GABRB1: variants seen among roughly 807,000 people sequenced by gnomAD.
The protein encoded by GABRB1 is gamma-aminobutyric acid type A receptor subunit beta1.
GABRB1 carries 17 observed loss-of-function variants against 51.6 expected under a neutral mutation model. The observed-to-expected ratio is 0.33, with a 90% CI of 0.23 to 0.49. GABRB1 has a LOEUF of 0.49. GABRB1 is among the 20% of genes least tolerant of loss of function. The pLI is 0.99. For synonymous variants in GABRB1, 247 were observed against 218.9 expected (o/e 1.13, Z -1.14); for missense variants, 410 against 600.6 (o/e 0.68, Z 3.32).
chr4:47,390,997 G>A (rs1727972085), intron 5 of GABRB1, among the ~76,000 whole-genome samples: 1 of 152,052 alleles, frequency 6.6e-6, no homozygotes, highest in African/African-American at 2.4e-5. Context: ...CCAACATGGT[G>A]AAACCCTGTC....
chr4:47,208,735 G>A (rs546686116), intron 4 of GABRB1, among the ~76,000 whole-genome samples: 1 of 152,174 alleles, frequency 6.6e-6, no homozygotes, highest in Admixed American at 6.5e-5. Context: ...GTAGTCCTAG[G>A]ATTACTTTGG....
chr4:47,115,979 C>T (rs983388098), intron 3 of GABRB1, among the ~76,000 whole-genome samples: 2 of 152,264 alleles, frequency 1.3e-5, no homozygotes, highest in East Asian at 1.9e-4. Context: ...ATATCATCTT[C>T]GCCAAGGACA....
chr4:47,301,757 ATAGCATACTGAAAAGCAC>A (rs1390455539), intron 4 of GABRB1, among the ~76,000 whole-genome samples: 3 of 152,214 alleles, frequency 2.0e-5, no homozygotes, highest in Non-Finnish European at 4.4e-5. Context: ...CTGAAAAAAC[ATAGCATACTGAAAAGCAC>A]TTACAAATAT....
chr4:47,062,654 T>A (rs562188307), intron 3 of GABRB1, among the ~76,000 whole-genome samples: 1 of 152,252 alleles, frequency 6.6e-6, no homozygotes, highest in East Asian at 1.9e-4. Flanking sequence ...CTTCTAATTC[T>A]CATCAAAATC....
At chr4:47,086,104 G>A (rs939299872) in intron 3 of GABRB1, among the ~76,000 whole-genome samples, 2 of 152,108 alleles carry the variant, frequency 1.3e-5, no homozygotes, top group South Asian at 2.1e-4. Flanking sequence ...TATCCTCATG[G>A]GTTTAACATC....
intron 3 of GABRB1, among the ~76,000 whole-genome samples, chr4:47,062,524 T>C (rs1726888059): frequency 6.6e-6 from 1 of 151,968 alleles, no homozygotes; most frequent in South Asian, 2.1e-4. Context: ...AGTAGTTATG[T>C]AACATGATTT....
chr4:47,147,202 T>G (rs1245268176), intron 3 of GABRB1, among the ~76,000 whole-genome samples: 3 of 152,134 alleles, frequency 2.0e-5, no homozygotes, highest in African/African-American at 7.2e-5. Context: ...TTTCATTCCT[T>G]TAAATTCTGG....
intron 5 of GABRB1, among the ~76,000 whole-genome samples, chr4:47,398,580 A>G (rs1486067256): frequency 3.3e-5 from 5 of 152,006 alleles, no homozygotes; most frequent in Non-Finnish European, 5.9e-5. Context: ...AGAGAGAGAC[A>G]GAGAGAGAGA....
chr4:47,294,308 C>T (rs902212716), intron 4 of GABRB1, among the ~76,000 whole-genome samples: 2 of 152,178 alleles, frequency 1.3e-5, no homozygotes, highest in Non-Finnish European at 2.9e-5. Context: ...CGAGGCATTG[C>T]CTCACTCGGA....
chr4:47,295,711 C>A (rs1298523406), intron 4 of GABRB1, among the ~76,000 whole-genome samples: 5 of 152,152 alleles, frequency 3.3e-5, no homozygotes, highest in African/African-American at 1.2e-4. Context: ...AGAAAGTCCT[C>A]AATCTAGCAA....
chr4:47,224,183 G>A (rs1330708144), intron 4 of GABRB1, among the ~76,000 whole-genome samples: 1 of 149,764 alleles, frequency 6.7e-6, no homozygotes, highest in Admixed American at 6.6e-5. Context: ...CTCTCAAGCT[G>A]TGTGTTCCAA....
intron 3 of GABRB1, among the ~76,000 whole-genome samples, chr4:47,105,045 T>A (rs1005479760): frequency 6.6e-6 from 1 of 152,138 alleles, no homozygotes; most frequent in African/African-American, 2.4e-5. Flanking sequence ...TAGTAGAGAC[T>A]GAGTTAAATA....
chr4:47,420,233 G>A lies in GABRB1; in HGVS notation c.1081-5441G>A, dbSNP rs551779185. Among the ~76,000 whole-genome samples the A allele has an allele frequency of 1.8e-4, 27 of 152,244 alleles. No homozygotes were observed. In the South Asian group the frequency reaches 4.6e-3, roughly 26 times the overall value. On this transcript the variant is annotated intron_variant, in intron 8 of 8. Coordinates refer to ENST00000295454, the MANE Select transcript of GABRB1 (RefSeq NM_000812.4). ...AGAGACAGAAAACTCCAGAAGGCAC[G>A]GAGCCTAGAATGCCTGCTTCCTTCT...
intron 5 of GABRB1, among the ~76,000 whole-genome samples, chr4:47,354,968 C>T (rs1199640922): frequency 2.6e-5 from 3 of 116,416 alleles, no homozygotes; most frequent in Non-Finnish European, 3.6e-5. Context: ...TCCTTTCTTT[C>T]TTTCTTCCTT....
intron 1 of GABRB1, among the ~76,000 whole-genome samples, chr4:47,014,330 G>A (rs1577825656): frequency 6.6e-6 from 1 of 152,052 alleles, no homozygotes; most frequent in Non-Finnish European, 1.5e-5. Context: ...TTTGCCCTGG[G>A]TTTGTCAATA....
chr4:47,328,150 A>G, intron 5 of GABRB1, among the ~76,000 whole-genome samples: 1 of 151,806 alleles, frequency 6.6e-6, no homozygotes, highest in African/African-American at 2.4e-5. Context: ...CCACTTTTTG[A>G]TGGGGTTGTT....
intron 3 of GABRB1, among the ~76,000 whole-genome samples, chr4:47,100,828 T>C (rs1714687490): frequency 6.6e-6 from 1 of 152,012 alleles, no homozygotes; most frequent in Non-Finnish European, 1.5e-5. Context: ...TACAAGAGTT[T>C]ATGTTAAGAA....
At chr4:47,265,470 G>C (rs1258246263) in intron 4 of GABRB1, among the ~76,000 whole-genome samples, 1 of 152,052 alleles carries the variant, frequency 6.6e-6, no homozygotes, top group Non-Finnish European at 1.5e-5. Flanking sequence ...GTGTGGGATT[G>C]CTGGATCAAA....
intron 5 of GABRB1, among the ~76,000 whole-genome samples, chr4:47,359,353 A>G (rs1726714928): frequency 6.6e-6 from 1 of 152,154 alleles, no homozygotes; most frequent in Admixed American, 6.6e-5. Flanking sequence ...TAACTCTTGT[A>G]TCATTTATTT....
Sources: gnomAD v4.1 joint callset for allele counts (sites outside exome capture counted in the v4.1 genomes callset) on GRCh38, gnomAD v4.1.1 for gene constraint, MANE v1.5 for transcripts, NCBI Gene and HGNC (gene_info 2026-07-23, HGNC 2026-07-21) for gene names.